The following ADCY2 variants were observed in gnomAD, a reference collection of about 807,000 sequenced individuals.
The protein encoded by ADCY2 is adenylate cyclase type 2.
A neutral mutation model predicts 125.2 loss-of-function variants in ADCY2; 31 were observed. The observed-to-expected ratio is 0.25, with a 90% CI of 0.19 to 0.33. The LOEUF is 0.33. Ranked by LOEUF, ADCY2 falls within the 10% of genes least tolerant of loss-of-function variation. The probability of loss-of-function intolerance (pLI) is 1.00; values close to 1 mark genes in which losing one functional copy is unlikely to be tolerated. For synonymous variants in ADCY2, 512 were observed against 548.4 expected (o/e 0.93, Z 0.93); for missense variants, 904 against 1,418.2 (o/e 0.64, Z 5.82).
intron 3 of ADCY2, among the ~76,000 whole-genome samples, chr5:7,602,319 A>G (rs1419388153): frequency 1.1e-4 from 16 of 152,222 alleles, no homozygotes; most frequent in Admixed American, 1.0e-3. Context: ...TTGGTGATAC[A>G]TAACTCTCTT....
At chr5:7,757,124 C>A (rs779885240) in intron 15 of ADCY2, among the ~76,000 whole-genome samples, 1 of 152,152 alleles carries the variant, frequency 6.6e-6, no homozygotes, top group Non-Finnish European at 1.5e-5. Context: ...CCCAACACAT[C>A]CCCCAGGGTG....
chr5:7,633,360 C>T (rs1356708485), intron 4 of ADCY2, among the ~76,000 whole-genome samples: 7 of 150,742 alleles, frequency 4.6e-5, no homozygotes, highest in Non-Finnish European at 1.0e-4. Flanking sequence ...TGCTTGAACC[C>T]GGGAGGCAGA....
chr5:7,681,138 G>T (rs1056726505), intron 4 of ADCY2, among the ~76,000 whole-genome samples: 2 of 152,178 alleles, frequency 1.3e-5, no homozygotes, highest in Non-Finnish European at 2.9e-5. Context: ...CCCTGCAGTT[G>T]CCTTTTGCAT....
intron 14 of ADCY2, among the ~76,000 whole-genome samples, chr5:7,741,119 GAAT>G (rs1390287883): frequency 6.6e-6 from 1 of 151,830 alleles, no homozygotes; most frequent in East Asian, 1.9e-4. Flanking sequence ...ATATTATATA[GAAT>G]ATTTTACATT....
chr5:7,568,891 G>A (rs1735989426), intron 3 of ADCY2, among the ~76,000 whole-genome samples: 2 of 152,208 alleles, frequency 1.3e-5, no homozygotes, highest in South Asian at 4.1e-4. Flanking sequence ...GGAGCTGCAT[G>A]AGTCTAAGTG....
In ADCY2 at chr5:7,802,026, C is replaced by A; in HGVS notation, c.2629-192C>A. ...TTCTTAACTGGTAGTGGCCTGAATC[C>A]AGCTCATTAGAAGCTTTCCCCTGAG... On this transcript the variant is annotated intron_variant, in intron 20 of 24. Coordinates refer to ENST00000338316, the MANE Select transcript of ADCY2 (RefSeq NM_020546.3). This position sits in a 1 kb window ranked among gnomAD's most constrained non-coding sequence, Gnocchi z 4.6. 2 of 574,656 alleles carry A rather than the reference C, an allele frequency of 3.5e-6. No homozygotes were observed. 35.6% of individuals were successfully genotyped at this position (574,656 alleles called of 1,614,324 possible).
chr5:7,589,304 A>T (rs1320704578), intron 3 of ADCY2, among the ~76,000 whole-genome samples: 3 of 151,564 alleles, frequency 2.0e-5, no homozygotes, highest in Non-Finnish European at 4.4e-5. Flanking sequence ...ACAAAAAATG[A>T]TTCCAATTTT....
chr5:7,748,187 G>T (rs1447524440), intron 15 of ADCY2, among the ~76,000 whole-genome samples: 1 of 152,118 alleles, frequency 6.6e-6, no homozygotes, highest in Admixed American at 6.5e-5. Flanking sequence ...GTGCCCTAGG[G>T]GACCTTCTCC....
At chr5:7,690,949 C>T in intron 5 of ADCY2, 110 bp downstream of exon 5, 2 of 1,251,940 alleles carry the variant, frequency 1.6e-6, no homozygotes, top group Non-Finnish European at 2.1e-6. Context: ...GACAGTGGAT[C>T]CTTTGCAGGG....
intron 4 of ADCY2, among the ~76,000 whole-genome samples, chr5:7,635,481 A>G (rs1357532198): frequency 6.6e-6 from 1 of 152,196 alleles, no homozygotes; most frequent in Non-Finnish European, 1.5e-5. Context: ...GAGCAACTGG[A>G]TGATGGTTGG....
chr5:7,758,265 G>A (rs919153459), intron 16 of ADCY2, among the ~76,000 whole-genome samples: 2 of 152,224 alleles, frequency 1.3e-5, no homozygotes, highest in South Asian at 4.1e-4. Context: ...TGAACCAATG[G>A]CCACTCTGAC....
chr5:7,753,371 G>A (rs1318610665), intron 15 of ADCY2, among the ~76,000 whole-genome samples: 2 of 152,270 alleles, frequency 1.3e-5, no homozygotes, highest in African/African-American at 2.4e-5. Context: ...GATCAAGGAA[G>A]GGAGGAAACA....
At chr5:7,460,874 GT>G (rs1312184846) in intron 2 of ADCY2, among the ~76,000 whole-genome samples, 3 of 152,190 alleles carry the variant, frequency 2.0e-5, no homozygotes, top group Non-Finnish European at 4.4e-5. Flanking sequence ...GACATTATAA[GT>G]TCTTTCTTTA....
rs991359337 is a variant in ADCY2 at position 7,696,407 on chromosome 5, T to C, written c.981+544T>C. Among the ~76,000 whole-genome samples, 8 of 152,204 alleles carry C rather than the reference T, an allele frequency of 5.3e-5. No individual in the cohort carries two copies. In the South Asian group the frequency reaches 1.4e-3, roughly 28 times the overall value. On this transcript the variant is annotated intron_variant, in intron 6 of 24. Transcript: ENST00000338316. ...GGAAGTTTAGTGTCTTCCATTCATA[T>C]GCTCTTTCATGGGAAATTTCACAGA...
At chr5:7,770,039 T>A (rs1301205096) in intron 17 of ADCY2, among the ~76,000 whole-genome samples, 2 of 152,188 alleles carry the variant, frequency 1.3e-5, no homozygotes, top group African/African-American at 4.8e-5. Flanking sequence ...CTCCCACACA[T>A]CCCTGGATGG....
At chr5:7,494,366 C>T (rs971149815) in intron 2 of ADCY2, among the ~76,000 whole-genome samples, 4 of 152,108 alleles carry the variant, frequency 2.6e-5, no homozygotes, top group East Asian at 1.9e-4. Flanking sequence ...TGCTGAAGCT[C>T]ATGAATCTGC....
chr5:7,737,754 C>T (rs1014639299), intron 14 of ADCY2, among the ~76,000 whole-genome samples: 1 of 152,128 alleles, frequency 6.6e-6, no homozygotes, highest in African/African-American at 2.4e-5. Flanking sequence ...ATATTATAGT[C>T]ACACTTCTGG....
At chr5:7,699,120 C>T (rs1334676802) in intron 7 of ADCY2, among the ~76,000 whole-genome samples, 30 of 33,916 alleles carry the variant, frequency 8.8e-4, no homozygotes, top group African/African-American at 2.6e-3. Flanking sequence ...TTTTTTGAGA[C>T]GGAGTCTCGC....
At chr5:7,520,494 G>A (rs955415945) in intron 2 of ADCY2, among the ~76,000 whole-genome samples, 8 of 152,204 alleles carry the variant, frequency 5.3e-5, no homozygotes, top group African/African-American at 1.2e-4. Context: ...TACTCATGGA[G>A]TGGTTTGGAT....
Sources: allele counts gnomAD v4.1 joint callset (sites outside exome capture counted in the v4.1 genomes callset), GRCh38; gene constraint gnomAD v4.1.1; non-coding constraint Gnocchi (gnomAD v3.1); transcripts MANE v1.5; gene names NCBI Gene and HGNC (gene_info 2026-07-23, HGNC 2026-07-21).